ADAMTS3: variants seen among roughly 807,000 people sequenced by gnomAD.
ADAMTS3 encodes the protein A disintegrin and metalloproteinase with thrombospondin motifs 3.
ADAMTS3 carries 73 observed loss-of-function variants against 129.0 expected under a neutral mutation model. That is an observed-to-expected ratio of 0.57 (90% CI 0.47 to 0.69). The LOEUF (loss-of-function observed/expected upper bound fraction) is 0.69, where lower values mean the gene tolerates loss of function less well. ADAMTS3 is among the 30% of genes least tolerant of loss of function. ADAMTS3 has a pLI of 0.00. For missense variants in ADAMTS3, 1,457 were observed against 1,514.5 expected (o/e 0.96, Z 0.63); for synonymous variants, 477 against 510.8 (o/e 0.93, Z 0.89).
At chr4:72,568,034 A>T (rs1722061808) in intron 1 of ADAMTS3, 1 of 153,022 alleles carries the variant, frequency 6.5e-6, no homozygotes, top group Admixed American at 6.5e-5. Flanking sequence ...CTTTAAAAAG[A>T]GGAGGAGTTG....
At chr4:72,483,283 C>G (rs1560533672) in intron 3 of ADAMTS3, among the ~76,000 whole-genome samples, 1 of 152,142 alleles carries the variant, frequency 6.6e-6, no homozygotes, top group South Asian at 2.1e-4. Context: ...TACAAAGCCA[C>G]AGGATGCAAG....
At chr4:72,493,080 C>A (rs982494908) in intron 3 of ADAMTS3, among the ~76,000 whole-genome samples, 21 of 151,984 alleles carry the variant, frequency 1.4e-4, no homozygotes, top group Non-Finnish European at 3.1e-4. Flanking sequence ...CTTTTTACAT[C>A]CCTTCACTTT....
Position 72,313,766 on chromosome 4 carries a change from G to T in ADAMTS3, c.1656C>A (p.Gly552=). 6.2e-7 allele frequency: 1 copy of T among 1,613,758 alleles called. No individual in the cohort carries two copies. Among genetic ancestry groups the T allele is most frequent in the Non-Finnish European group, 8.5e-7 (1 of 1,179,858 alleles). ...WKNANQQKQD[G]NWGSWTKFGS... is the part of the protein sequence containing the mutation. ...CAAATTTAGTCCATGACCCCCAATT[G>T]CCATCTTGTTTTTGCTGATTAGCAT... is the stretch of plus-strand genomic sequence containing the variant. The change falls in exon 12 of 22, where the codon GGC becomes GGA. Residue 552 remains glycine (G), a synonymous_variant. Transcript: ENST00000286657.
chr4:72,287,246 A>T (rs1369614190), intron 21 of ADAMTS3, among the ~76,000 whole-genome samples: 1 of 151,674 alleles, frequency 6.6e-6, no homozygotes, highest in Admixed American at 6.6e-5. Context: ...TAGACTTAGA[A>T]CTCTGAGCAA....
intron 4 of ADAMTS3, among the ~76,000 whole-genome samples, chr4:72,353,856 C>T (rs1720505373): frequency 6.6e-6 from 1 of 152,000 alleles, no homozygotes; most frequent in South Asian, 2.1e-4. Flanking sequence ...CAGTGACCTG[C>T]AGGATCCCTC....
intron 3 of ADAMTS3, among the ~76,000 whole-genome samples, chr4:72,486,400 A>G (rs1719592635): frequency 6.6e-6 from 1 of 152,184 alleles, no homozygotes; most frequent in Admixed American, 6.5e-5. Flanking sequence ...AGTCTTGTAC[A>G]GAGAGGCCTA....
chr4:72,290,353 T>TAAA (rs1718624294), intron 20 of ADAMTS3, among the ~76,000 whole-genome samples: 1 of 152,170 alleles, frequency 6.6e-6, no homozygotes, highest in African/African-American at 2.4e-5. Flanking sequence ...GGTGGTCATT[T>TAAA]GGACTACGGA....
intron 3 of ADAMTS3, among the ~76,000 whole-genome samples, chr4:72,524,051 T>C (rs556087871): frequency 3.3e-5 from 5 of 152,298 alleles, no homozygotes; most frequent in African/African-American, 1.2e-4. Context: ...CAATCCTTAT[T>C]TCCCAAGTGT....
intron 3 of ADAMTS3, among the ~76,000 whole-genome samples, chr4:72,527,995 T>C (rs1237745571): frequency 6.6e-6 from 1 of 152,158 alleles, no homozygotes; most frequent in Non-Finnish European, 1.5e-5. Flanking sequence ...GAAGTAAGCA[T>C]GACAGACACA....
At chr4:72,543,831 C>T (rs1047628921) in intron 3 of ADAMTS3, among the ~76,000 whole-genome samples, 2 of 152,054 alleles carry the variant, frequency 1.3e-5, no homozygotes, top group African/African-American at 4.8e-5. Context: ...CTTAACACCA[C>T]TGAACTGTAT....
intron 10 of ADAMTS3, among the ~76,000 whole-genome samples, chr4:72,318,049 G>A (rs925904231): frequency 2.6e-5 from 4 of 151,350 alleles, no homozygotes; most frequent in Non-Finnish European, 4.4e-5. Flanking sequence ...AAAAGAAAGC[G>A]TTAGATCCAG....
intron 4 of ADAMTS3, among the ~76,000 whole-genome samples, chr4:72,361,716 T>C (rs1720732053): frequency 6.6e-6 from 1 of 152,066 alleles, no homozygotes; most frequent in Non-Finnish European, 1.5e-5. Context: ...CAAAACACAA[T>C]GCCCTTTCCT....
At chr4:72,289,447 T>C (rs16847799) in intron 20 of ADAMTS3, among the ~76,000 whole-genome samples, 29,085 of 152,112 alleles carry the variant, frequency 0.19, 3,350 homozygotes, top group East Asian at 0.44. Context: ...ATTTCTCTAA[T>C]GAAAAGGTTT....
intron 5 of ADAMTS3, among the ~76,000 whole-genome samples, chr4:72,333,394 CTT>C (rs1174270142): frequency 1.3e-5 from 2 of 152,152 alleles, no homozygotes; most frequent in Admixed American, 1.3e-4. Context: ...AGATTCATCT[CTT>C]TCCCTCAGCC....
At position 72,312,550 on chromosome 4, in the gene ADAMTS3, A is replaced by T. The variant is rs1719271342; in HGVS notation, c.1746-84T>A. On this transcript the variant is annotated intron_variant, in intron 12 of 21. Coordinates refer to ENST00000286657, the MANE Select transcript of ADAMTS3 (RefSeq NM_014243.3). ...GCAGACACAGTGCTTGAGGGCACAA[A>T]GCCAAAGTTTCTGGGCTGCCAGCAC... 2.9e-6 allele frequency: 4 copies of T among 1,380,560 alleles called. No homozygotes were observed. The African/African-American group carries it at 4.3e-5, about 15-fold the overall frequency. 85.5% of individuals were successfully genotyped at this position (1,380,560 alleles called of 1,614,324 possible).
rs1719215417 is a variant in ADAMTS3, at chr4:72,310,932, CACTT to C, written c.2055+112_2055+115del. ...TTTTAGCTATTGAACTATTCATAGA[CACTT>C]ACTATAATGTGATTTCAAAGATAAA... is the stretch of plus-strand genomic sequence containing the variant. On this transcript the variant is annotated intron_variant, in intron 14 of 21. Transcript: ENST00000286657. 6 of 983,890 alleles carry C rather than the reference CACTT, an allele frequency of 6.1e-6. No individual in the cohort carries two copies. In the Admixed American group the frequency reaches 1.1e-4, roughly 18 times the overall value. 60.9% of individuals were successfully genotyped at this position (983,890 alleles called of 1,614,324 possible).
intron 3 of ADAMTS3, among the ~76,000 whole-genome samples, chr4:72,488,052 A>T (rs999345667): frequency 2.0e-5 from 3 of 152,060 alleles, no homozygotes; most frequent in Non-Finnish European, 2.9e-5. Flanking sequence ...TATGCATATT[A>T]TTCAAGCCAG....
intron 2 of ADAMTS3, among the ~76,000 whole-genome samples, chr4:72,565,796 T>C (rs1220948912): frequency 6.6e-6 from 1 of 152,206 alleles, no homozygotes; most frequent in African/African-American, 2.4e-5. Context: ...GTAATTTACA[T>C]TAGCAAAACA....
intron 4 of ADAMTS3, among the ~76,000 whole-genome samples, chr4:72,347,279 G>C (rs1356625734): frequency 6.8e-6 from 1 of 146,872 alleles, no homozygotes; most frequent in African/African-American, 2.6e-5. Context: ...TTATTTTACT[G>C]CTTTTTTTTT....
Sources: allele counts gnomAD v4.1 joint callset (sites outside exome capture counted in the v4.1 genomes callset), GRCh38; gene constraint gnomAD v4.1.1; transcripts MANE v1.5; gene names NCBI Gene and HGNC (gene_info 2026-07-23, HGNC 2026-07-21).